The following PYGO1 variants were observed in gnomAD, a reference collection of about 807,000 sequenced individuals.
PYGO1 encodes the protein pygopus homolog 1.
Under a neutral mutation model 29.5 loss-of-function variants are expected in PYGO1, and 6 were observed. The observed-to-expected ratio is 0.20, with a 90% CI of 0.11 to 0.40. PYGO1 has a LOEUF of 0.40. Ranked by LOEUF, PYGO1 falls within the 10% of genes least tolerant of loss-of-function variation. The pLI is 1.00. For synonymous variants in PYGO1, 186 were observed against 180.5 expected (o/e 1.03, Z -0.24); for missense variants, 515 against 514.9 (o/e 1.00, Z 0.00).
Position 55,546,790 on chromosome 15 carries a change from G to A in PYGO1, c.493C>T (p.Leu165=), listed in dbSNP as rs903393263. 3.1e-6 allele frequency: 5 copies of A among 1,613,884 alleles called. No individual in the cohort carries two copies. Among genetic ancestry groups the A allele is most frequent in the African/African-American group, 1.3e-5 (1 of 74,900 alleles). The change falls in exon 3 of 3, where the codon CTA becomes TTA. Residue 165 remains leucine, a synonymous_variant. Coordinates refer to ENST00000563719, the MANE Select transcript of PYGO1 (RefSeq NM_001367806.1). ...TTAGGCATGTTGACATTCTGACTTA[G>A]TGCATTATTATAAGATGGATTACCG... ...SFGNPSYNNA[L]SQNVNMPNQH...
At chr15:55,584,659 A>G (rs1158777354) in intron 1 of PYGO1, among the ~76,000 whole-genome samples, 2 of 152,214 alleles carry the variant, frequency 1.3e-5, no homozygotes, top group African/African-American at 4.8e-5. Context: ...TCACTCATTC[A>G]TTCATTTGAC....
rs2141637294 is a variant in PYGO1, at chr15:55,540,871, T to G, written c.*5152A>C. On this transcript the variant is annotated 3_prime_UTR_variant, in exon 3 of 3. Coordinates refer to ENST00000563719, the MANE Select transcript of PYGO1 (RefSeq NM_001367806.1). ...ACTGAACTAATATCCCAAAAAGAGG[T>G]ATATGTAAACAGTACATAAGGAAGA... 6.6e-6 allele frequency: 1 copy of G among 152,240 alleles called. No individual in the cohort carries two copies. 9.4% of individuals were successfully genotyped at this position (152,240 alleles called of 1,614,324 possible).
Position 55,588,093 on chromosome 15 carries a change from T to G in PYGO1, c.-210A>C. The G allele has an allele frequency of 1.0e-6, 1 of 986,316 alleles. No individual in the cohort carries two copies. Among genetic ancestry groups the G allele is most frequent in the Non-Finnish European group, 1.2e-6 (1 of 823,986 alleles). The allele number at this position is 986,316 out of a possible 1,614,324, so 61.1% of individuals were successfully genotyped here. On this transcript the variant is annotated 5_prime_UTR_variant, in exon 1 of 3. Coordinates refer to ENST00000563719, the MANE Select transcript of PYGO1 (RefSeq NM_001367806.1). ...GGGGCGGCGGGGCGGCGGGGCGGCG[T>G]GCGGGCACCGGCGGGGCTCAGCGGC...
At position 55,540,198 on chromosome 15, in the gene PYGO1, C is replaced by G. The variant is rs2058823130; in HGVS notation, c.*5825G>C. The G allele has an allele frequency of 6.6e-6, 1 of 151,906 alleles. No homozygotes were observed. 9.4% of individuals were successfully genotyped at this position (151,906 alleles called of 1,614,324 possible). On this transcript the variant is annotated 3_prime_UTR_variant, in exon 3 of 3. Coordinates refer to ENST00000563719, the MANE Select transcript of PYGO1 (RefSeq NM_001367806.1). ...ACCAAATCCTTTCATTAGGTAGTAC[C>G]AAGTAAACAGCATTCAAGTCCTTGA...
At chr15:55,568,927 C>G (rs763437282) in intron 1 of PYGO1, among the ~76,000 whole-genome samples, 8 of 152,236 alleles carry the variant, frequency 5.3e-5, no homozygotes, top group Non-Finnish European at 1.2e-4. Flanking sequence ...ACCTTGCACC[C>G]CAGGACTGAA....
chr15:55,579,563 T>A (rs2059017543), intron 1 of PYGO1, among the ~76,000 whole-genome samples: 1 of 152,180 alleles, frequency 6.6e-6, no homozygotes, highest in South Asian at 2.1e-4. Context: ...TCACCCAGGC[T>A]GGAGTGCAGT....
upstream of PYGO1, chr15:55,588,849 G>A: frequency 1.9e-6 from 3 of 1,613,780 alleles, no homozygotes; most frequent in Non-Finnish European, 2.5e-6. Context: ...TTCTCGGCGG[G>A]CATGTGGGGA....
intron 1 of PYGO1, among the ~76,000 whole-genome samples, chr15:55,554,810 G>A (rs1458738874): frequency 2.0e-5 from 3 of 152,000 alleles, no homozygotes; most frequent in Admixed American, 6.6e-5. Context: ...AAGAAAGGCA[G>A]ACAAGAATAG....
chr15:55,574,454 G>T (rs756682577), intron 1 of PYGO1, among the ~76,000 whole-genome samples: 5 of 152,280 alleles, frequency 3.3e-5, no homozygotes, highest in Non-Finnish European at 7.4e-5. Flanking sequence ...ATAGATTTGT[G>T]TAAGTTTTAC....
chr15:55,585,079 C>T (rs2059041025), intron 1 of PYGO1, among the ~76,000 whole-genome samples: 1 of 152,210 alleles, frequency 6.6e-6, no homozygotes, highest in Non-Finnish European at 1.5e-5. Context: ...GAGCATGCTA[C>T]TGTAAAGTCC....
chr15:55,588,074 G>T lies in PYGO1; in HGVS notation c.-191C>A, dbSNP rs1265173083. On this transcript the variant is annotated 5_prime_UTR_variant, in exon 1 of 3. Transcript: ENST00000563719. ...GGGAGGAGGACGAGGCCTCGGGGCG[G>T]CGGGGCGGCGGGGCGGCGTGCGGGC... is the stretch of plus-strand genomic sequence containing the variant. The T allele has an allele frequency of 4.7e-6, 5 of 1,064,998 alleles. No individual in the cohort carries two copies. The highest frequency in any genetic ancestry group is 5.7e-6 in the Non-Finnish European group (5 of 881,648). The allele number at this position is 1,064,998 out of a possible 1,614,324, so 66.0% of individuals were successfully genotyped here. A position where few individuals can be genotyped will look rare whatever the true frequency, so the allele number is the denominator to read the frequency against.
At chr15:55,553,544 T>TGCC (rs1371325737) in intron 1 of PYGO1, among the ~76,000 whole-genome samples, 1 of 151,980 alleles carries the variant, frequency 6.6e-6, no homozygotes, top group Non-Finnish European at 1.5e-5. Flanking sequence ...TACAGGCACT[T>TGCC]GCCACCACCA....
At chr15:55,547,977 T>C (rs2058860103) in intron 2 of PYGO1, among the ~76,000 whole-genome samples, 1 of 152,256 alleles carries the variant, frequency 6.6e-6, no homozygotes, top group South Asian at 2.1e-4. Flanking sequence ...CAGGCATTCA[T>C]GCCCTTTAAA....
intron 1 of PYGO1, among the ~76,000 whole-genome samples, chr15:55,560,354 TA>T (rs1318573935): frequency 2.6e-5 from 4 of 152,014 alleles, no homozygotes. Context: ...AAAATCAGTG[TA>T]AAAAAATTGC....
At chr15:55,549,294 C>A (rs2058868459) in intron 1 of PYGO1, among the ~76,000 whole-genome samples, 1 of 152,142 alleles carries the variant, frequency 6.6e-6, no homozygotes, top group Non-Finnish European at 1.5e-5. Flanking sequence ...TTACTAGTTT[C>A]TGGCCTACCT....
rs572654464 is a variant in PYGO1 at position 55,557,715 on chromosome 15, G to C, written c.50-8720C>G. On this transcript the variant is annotated intron_variant, in intron 1 of 2. Transcript: ENST00000563719. ...TATGCAAATCAATAAATGTAATCCA[G>C]CATATAAACAGAACCAAAGACAAAA... Among the ~76,000 whole-genome samples, 3 of 152,204 alleles carry C rather than the reference G, an allele frequency of 2.0e-5. No homozygotes were observed. In the South Asian group the frequency reaches 6.2e-4, roughly 32 times the overall value.
rs1454495659 is a variant in PYGO1, at chr15:55,539,396, C to G, written c.*6627G>C. The stretch of plus-strand genomic sequence containing the variant: ...TACTATATTCAATCAGTTATCAAGC[C>G]AATTTCATTTGTCTGAGAATTGTAA... On this transcript the variant is annotated 3_prime_UTR_variant, in exon 3 of 3. Coordinates refer to ENST00000563719, the MANE Select transcript of PYGO1 (RefSeq NM_001367806.1). The G allele has an allele frequency of 6.6e-6, 1 of 151,606 alleles. No individual in the cohort carries two copies. Among genetic ancestry groups the G allele is most frequent in the Non-Finnish European group, 1.5e-5 (1 of 67,872 alleles). The allele number at this position is 151,606 out of a possible 1,614,324, so 9.4% of individuals were successfully genotyped here.
chr15:55,544,885 C>T lies in PYGO1; in HGVS notation c.*1138G>A, dbSNP rs1218802850. On this transcript the variant is annotated 3_prime_UTR_variant, in exon 3 of 3. Coordinates refer to ENST00000563719, the MANE Select transcript of PYGO1 (RefSeq NM_001367806.1). ...TCCAACTGTCTCCATTCTTGATCAT[C>T]CCTCAAGAGGGTACTCTCAGGTCCA... 1.3e-5 allele frequency: 2 copies of T among 151,744 alleles called. No individual in the cohort carries two copies. Among genetic ancestry groups the T allele is most frequent in the Non-Finnish European group, 3.0e-5 (2 of 67,732 alleles). The allele number at this position is 151,744 out of a possible 1,614,324, so 9.4% of individuals were successfully genotyped here.
At chr15:55,572,431 G>C (rs1049908655) in intron 1 of PYGO1, among the ~76,000 whole-genome samples, 1 of 152,136 alleles carries the variant, frequency 6.6e-6, no homozygotes, top group African/African-American at 2.4e-5. Flanking sequence ...TTAAATGTAA[G>C]ACCTGAAATT....
Sources: gnomAD v4.1 joint callset for allele counts (sites outside exome capture counted in the v4.1 genomes callset) on GRCh38, gnomAD v4.1.1 for gene constraint, MANE v1.5 for transcripts, NCBI Gene and HGNC (gene_info 2026-07-23, HGNC 2026-07-21) for gene names.